Variants in SERPINB10 observed in about 807,000 individuals in gnomAD.
SERPINB10 encodes serpin family B member 10.
SERPINB10 carries 35 observed loss-of-function variants against 39.1 expected under a neutral mutation model. The ratio of observed to expected loss-of-function variants is 0.90; its 90% confidence interval spans 0.68 to 1.19. The LOEUF is 1.19. Ranked by LOEUF, SERPINB10 falls within the 50% of genes most tolerant of loss-of-function variation. The probability of loss-of-function intolerance (pLI) is 0.00; values close to 1 mark genes in which losing one functional copy is unlikely to be tolerated. For synonymous variants in SERPINB10, 190 were observed against 158.1 expected (o/e 1.20, Z -1.52); for missense variants, 546 against 460.5 (o/e 1.19, Z -1.70).
chr18:63,930,173 T>C lies in SERPINB10; in HGVS notation c.619T>C (p.Phe207Leu). ...FLVQNTTEKP[F>L]RINETTSKPV... is the part of the protein sequence containing the mutation. ...AGTGCAAAACACCACAGAAAAGCCT[T>C]TTAGAATAAACGAGGTAGGAAATTT... is the stretch of plus-strand genomic sequence containing the variant. The change falls in exon 6 of 8, where the codon TTT (phenylalanine) becomes CTT (leucine). Residue 207 changes from phenylalanine (F) to leucine (L), a missense_variant. By Grantham distance (22) the Phe-to-Leu change is conservative. Transcript: ENST00000238508. The C allele has an allele frequency of 6.2e-7, 1 of 1,613,000 alleles. No homozygotes were observed. Among genetic ancestry groups the C allele is most frequent in the Non-Finnish European group, 8.5e-7 (1 of 1,179,396 alleles).
Position 63,921,068 on chromosome 18 carries a change from A to T in SERPINB10, c.490+1163A>T, listed in dbSNP as rs2050143428. On this transcript the variant is annotated intron_variant, in intron 5 of 7. Coordinates refer to ENST00000238508, the MANE Select transcript of SERPINB10 (RefSeq NM_005024.3). ...AAGTCTGAACTGATTTCTACACACC[A>T]TGCTGCCTTTTAAATCAACATTTCA... Among the ~76,000 whole-genome samples, 3 of 151,972 alleles carry T rather than the reference A, an allele frequency of 2.0e-5. No individual in the cohort carries two copies. In the South Asian group the frequency reaches 6.2e-4, roughly 31 times the overall value.
At position 63,915,698 on chromosome 18, in the gene SERPINB10, T is replaced by C. The variant is rs200782542; in HGVS notation, c.168+20T>C. ...GCCCAGGTGAGTGGAAAAGGTCAAC[T>C]ATCTTCTGTTTCTTGTAAGCTAAGT... On this transcript the variant is annotated intron_variant, in intron 2 of 7. Coordinates refer to ENST00000238508, the MANE Select transcript of SERPINB10 (RefSeq NM_005024.3). 3.5e-5 allele frequency: 55 copies of C among 1,580,260 alleles called. No individual in the cohort carries two copies. Among genetic ancestry groups the C allele is most frequent in the Middle Eastern group, 1.7e-4 (1 of 5,894 alleles).
intron 4 of SERPINB10, among the ~76,000 whole-genome samples, chr18:63,918,406 T>C (rs1157558280): frequency 6.6e-6 from 1 of 151,988 alleles, no homozygotes; most frequent in African/African-American, 2.4e-5. Context: ...AAACTGACCT[T>C]GGGATGAGAG....
chr18:63,931,141 G>A (rs1273984301), intron 6 of SERPINB10, among the ~76,000 whole-genome samples: 1 of 152,162 alleles, frequency 6.6e-6, no homozygotes, highest in Admixed American at 6.6e-5. Flanking sequence ...AATGGGAATT[G>A]TATTGGAATT....
intron 6 of SERPINB10, 63 bp downstream of exon 6, chr18:63,930,250 A>G: frequency 1.3e-6 from 2 of 1,538,096 alleles, no homozygotes; most frequent in East Asian, 4.5e-5. Context: ...ATTCTCTTAT[A>G]AATTCACTCT....
chr18:63,914,681 G>T lies in SERPINB10; in HGVS notation c.-9-821G>T, dbSNP rs112255392. 3.4e-3 allele frequency among the ~76,000 whole-genome samples: 517 copies of T among 152,130 alleles called. 5 individuals carry two copies. The highest frequency in any genetic ancestry group is 0.012 in the African/African-American group (503 of 41,536). On this transcript the variant is annotated intron_variant, in intron 1 of 7. Transcript: ENST00000238508. ...GTAGTCTTCATCAATAATGTCTGCA[G>T]TTGCCTCAGTGGTCCAAGCTGTGAG...
chr18:63,915,604 T>C lies in SERPINB10; in HGVS notation c.94T>C (p.Ser32Pro), dbSNP rs768605151. 6.2e-6 allele frequency: 10 copies of C among 1,612,740 alleles called. No homozygotes were observed. In the Admixed American group the frequency reaches 1.0e-4, roughly 16 times the overall value. ...SAQGKNIFFS[S>P]WSISTSLTIV... ...TCAGGGTAAAAATATCTTCTTTTCT[T>C]CCTGGAGCATCTCAACTTCCTTGAC... The change falls in exon 2 of 8, where the codon TCC (serine) becomes CCC (proline). Residue 32 changes from serine (S) to proline (P), a missense_variant. Transcript: ENST00000238508.
In SERPINB10 at chr18:63,935,030, G is replaced by C. The variant is rs1202156867; in HGVS notation, c.982G>C (p.Ala328Pro). The C allele has an allele frequency of 6.2e-7, 1 of 1,614,194 alleles. No homozygotes were observed. The highest frequency in any genetic ancestry group is 2.2e-5 in the East Asian group (1 of 44,888). Residue 328 changes from alanine (A) to proline (P), a missense_variant, in exon 8 of 8, where the codon GCA becomes CCA. Transcript: ENST00000238508. ...SKADFSGMSS[A>P]RNLFLSNVFH... ...AGCTGATTTCTCAGGAATGTCTTCA[G>C]CAAGAAACCTATTTTTGTCCAATGT... is the stretch of plus-strand genomic sequence containing the variant.
intron 5 of SERPINB10, among the ~76,000 whole-genome samples, chr18:63,926,418 T>G (rs2050182121): frequency 6.6e-6 from 1 of 152,026 alleles, no homozygotes; most frequent in African/African-American, 2.4e-5. Context: ...TTAACTTTAT[T>G]TCATCTGCAG....
In SERPINB10 at chr18:63,915,105, G is replaced by A. The variant is rs564816392; in HGVS notation, c.-9-397G>A. Among the ~76,000 whole-genome samples the A allele has an allele frequency of 2.0e-5, 3 of 152,132 alleles. No homozygotes were observed. The South Asian group carries it at 6.2e-4, about 32-fold the overall frequency. On this transcript the variant is annotated intron_variant, in intron 1 of 7. Coordinates refer to ENST00000238508, the MANE Select transcript of SERPINB10 (RefSeq NM_005024.3). ...AAAATCCTTAGCTAGGTGCTGTTGG[G>A]TGCACGAAGCAGCATAAAAAGAATA...
chr18:63,921,500 G>T (rs1229178086), intron 5 of SERPINB10, among the ~76,000 whole-genome samples: 1 of 151,816 alleles, frequency 6.6e-6, no homozygotes, highest in East Asian at 1.9e-4. Context: ...ATGTTTCTCA[G>T]AGTTCACTTT....
chr18:63,932,369 C>T (rs1477171577), intron 6 of SERPINB10, among the ~76,000 whole-genome samples: 1 of 152,146 alleles, frequency 6.6e-6, no homozygotes, highest in Non-Finnish European at 1.5e-5. Flanking sequence ...TGCGTTCCCA[C>T]CAGCAGTAAA....
chr18:63,912,692 G>A lies in SERPINB10; in HGVS notation c.-9-2810G>A, dbSNP rs890881163. ...GGATTCAGCTTGCTAGGATTTTATT[G>A]AGCATTTTTGCATCTATGCTCATCA... On this transcript the variant is annotated intron_variant, in intron 1 of 7. Transcript: ENST00000238508. 4.6e-5 allele frequency among the ~76,000 whole-genome samples: 7 copies of A among 152,044 alleles called. No homozygotes were observed. In the East Asian group the frequency reaches 1.4e-3, roughly 29 times the overall value.
intron 5 of SERPINB10, among the ~76,000 whole-genome samples, chr18:63,924,183 G>C (rs1656543144): frequency 6.6e-6 from 1 of 151,974 alleles, no homozygotes; most frequent in Non-Finnish European, 1.5e-5. Context: ...CAGTTTACCA[G>C]TCTTAGTTTA....
chr18:63,912,077 C>G (rs2050069024), intron 1 of SERPINB10, among the ~76,000 whole-genome samples: 1 of 151,080 alleles, frequency 6.6e-6, no homozygotes, highest in Non-Finnish European at 1.5e-5. Flanking sequence ...GAGTTGGCTC[C>G]CTGTTTGAAT....
chr18:63,935,182 C>T lies in SERPINB10; in HGVS notation c.1134C>T (p.Phe378=), dbSNP rs200042198. The change falls in exon 8 of 8, where the codon TTC becomes TTT. Residue 378 remains phenylalanine (F), a synonymous_variant. Transcript: ENST00000238508. ...TCAATGCAAATCACCCATTCCTCTT[C>T]TTCATCAGGCACAATAAAACCAACA... ...IEFNANHPFL[F]FIRHNKTNTI... 1.9e-6 allele frequency: 3 copies of T among 1,611,924 alleles called. No homozygotes were observed. Among genetic ancestry groups the T allele is most frequent in the Non-Finnish European group, 2.5e-6 (3 of 1,179,540 alleles).
chr18:63,934,536 T>G (rs983467200), intron 7 of SERPINB10, among the ~76,000 whole-genome samples: 32 of 152,196 alleles, frequency 2.1e-4, no homozygotes, highest in Admixed American at 2.1e-3. Context: ...AACATCTAAA[T>G]GTATATTTAT....
chr18:63,914,224 C>T (rs1053657198), intron 1 of SERPINB10, among the ~76,000 whole-genome samples: 1 of 152,012 alleles, frequency 6.6e-6, no homozygotes, highest in African/African-American at 2.4e-5. Flanking sequence ...TCCAACTTGC[C>T]ACTCTGTGCT....
In SERPINB10 at chr18:63,935,684, C is replaced by G. The variant is rs551249026; in HGVS notation, c.*442C>G. 1.6e-4 allele frequency: 25 copies of G among 156,298 alleles called. No homozygotes were observed. Among genetic ancestry groups the G allele is most frequent in the African/African-American group, 5.8e-4 (24 of 41,434 alleles). 9.7% of individuals were successfully genotyped at this position (156,298 alleles called of 1,614,324 possible). A position where few individuals can be genotyped will look rare whatever the true frequency, so the allele number is the denominator to read the frequency against. On this transcript the variant is annotated 3_prime_UTR_variant, in exon 8 of 8. Transcript: ENST00000238508. ...ATTTAGCCCGGCATGGTGGTGCACA[C>G]CTGTGTTCCCAGCTACTCAGGAGGC... is the stretch of plus-strand genomic sequence containing the variant.
Sources: allele counts gnomAD v4.1 joint callset (sites outside exome capture counted in the v4.1 genomes callset), GRCh38; gene constraint gnomAD v4.1.1; transcripts MANE v1.5; gene names NCBI Gene and HGNC (gene_info 2026-07-23, HGNC 2026-07-21).